Variants in CFH observed in about 807,000 individuals in gnomAD.
CFH encodes the protein complement factor H, also known as H factor 1 (complement).
In CFH, 53 loss-of-function variants were observed where a neutral mutation model predicts 147.3. That is an observed-to-expected ratio of 0.36 (90% CI 0.29 to 0.45). The LOEUF is 0.45. Ranked by LOEUF, CFH falls within the 20% of genes least tolerant of loss-of-function variation. The probability of loss-of-function intolerance (pLI) is 1.00; values close to 1 mark genes in which losing one functional copy is unlikely to be tolerated. For synonymous variants in CFH, 536 were observed against 489.4 expected, an observed-to-expected ratio of 1.10 and a Z score of -1.26; for missense variants, 1,380 against 1,498.0, an observed-to-expected ratio of 0.92 and a Z score of 1.30.
At chr1:196,746,117 C>A in intron 21 of CFH, 118 bp downstream of exon 21, 1 of 1,557,046 alleles carries the variant, frequency 6.4e-7, no homozygotes, top group African/African-American at 1.4e-5. Flanking sequence ...TGCTTGCCTA[C>A]CAAATATTTC....
intron 15 of CFH, among the ~76,000 whole-genome samples, chr1:196,733,186 C>T (rs1043826342): frequency 1.3e-5 from 2 of 151,804 alleles, no homozygotes; most frequent in African/African-American, 2.4e-5. Flanking sequence ...GCTTTGGCTG[C>T]GGGAAGATTA....
intron 3 of CFH, among the ~76,000 whole-genome samples, chr1:196,675,134 C>T (rs1271827228): frequency 6.6e-6 from 1 of 152,040 alleles, no homozygotes; most frequent in Non-Finnish European, 1.5e-5. Flanking sequence ...GGCTTGTGTC[C>T]TCTCTTTAAG....
At chr1:196,713,694 T>G in intron 9 of CFH, 41 bp from the exon 10 acceptor site, 16 of 1,238,518 alleles carry the variant, frequency 1.3e-5, no homozygotes, top group Non-Finnish European at 1.7e-5. Context: ...AAAATGTTAT[T>G]GATCATATGC....
intron 11 of CFH, among the ~76,000 whole-genome samples, chr1:196,723,529 G>A (rs34831442): frequency 6.6e-6 from 1 of 152,232 alleles, no homozygotes; most frequent in Non-Finnish European, 1.5e-5. Flanking sequence ...CAACATTCAG[G>A]ACAGTAGGTG....
intron 9 of CFH, among the ~76,000 whole-genome samples, chr1:196,702,666 G>T (rs1196926327): frequency 6.6e-6 from 1 of 152,052 alleles, no homozygotes; most frequent in East Asian, 1.9e-4. Flanking sequence ...TTTAGAAAAA[G>T]CTAAGGAAAA....
chr1:196,725,114 T>A lies in CFH; in HGVS notation c.1697-7T>A, dbSNP rs1460760004. 4 of 1,609,846 alleles carry A rather than the reference T, an allele frequency of 2.5e-6. No individual in the cohort carries two copies. Among genetic ancestry groups the A allele is most frequent in the Non-Finnish European group, 2.5e-6 (3 of 1,176,902 alleles). ...TATTCTCATGAAATTATTTTACCTT[T>A]TTCAAGAAAGAGAATGCGAACTTCC... On this transcript the variant is annotated splice_region_variant and splice_polypyrimidine_tract_variant and intron_variant, in intron 11 of 21. Transcript: ENST00000367429.
chr1:196,658,102 A>T (rs1666766666), intron 1 of CFH, among the ~76,000 whole-genome samples: 1 of 152,150 alleles, frequency 6.6e-6, no homozygotes, highest in Non-Finnish European at 1.5e-5. Flanking sequence ...TTATTAAAAT[A>T]TTAAGTAATA....
At chr1:196,715,506 T>C (rs1439663361) in intron 10 of CFH, 87 bp from the exon 11 acceptor site, 1 of 1,074,104 alleles carries the variant, frequency 9.3e-7, no homozygotes, top group East Asian at 2.4e-5. Context: ...ATCTAATCAA[T>C]AAAGCTTTTT....
At chr1:196,744,795 G>A (rs558879282) in intron 20 of CFH, among the ~76,000 whole-genome samples, 1 of 152,050 alleles carries the variant, frequency 6.6e-6, no homozygotes, top group East Asian at 1.9e-4. Context: ...TATTTTTTCA[G>A]GATCCTAAAG....
chr1:196,740,812 A>G lies in CFH; in HGVS notation c.2956+20A>G, dbSNP rs1252986331. 6.2e-7 allele frequency: 1 copy of G among 1,608,020 alleles called. No homozygotes were observed. Among genetic ancestry groups the G allele is most frequent in the Admixed American group, 1.7e-5 (1 of 60,008 alleles). ...GCATAAGTATGGTGCATTGAATTTT[A>G]TTATATGTATGATAAATATTCTTCA... On this transcript the variant is annotated intron_variant, in intron 18 of 21. Transcript: ENST00000367429.
At chr1:196,725,576 A>G (rs1669116307) in intron 12 of CFH, among the ~76,000 whole-genome samples, 1 of 152,182 alleles carries the variant, frequency 6.6e-6, no homozygotes, top group African/African-American at 2.4e-5. Flanking sequence ...GGAATAACTG[A>G]GTCTGGATGA....
intron 15 of CFH, among the ~76,000 whole-genome samples, chr1:196,732,373 G>C (rs1354805385): frequency 1.3e-5 from 2 of 151,886 alleles, no homozygotes; most frequent in Non-Finnish European, 1.5e-5. Context: ...TGTTGAAGTA[G>C]TTAATTTGTT....
chr1:196,656,964 T>C (rs1666721685), intron 1 of CFH, among the ~76,000 whole-genome samples: 1 of 152,020 alleles, frequency 6.6e-6, no homozygotes, highest in African/African-American at 2.4e-5. Flanking sequence ...TTTTCACTGT[T>C]AAGTTGTTTG....
intron 14 of CFH, 94 bp downstream of exon 14, chr1:196,727,034 A>G: frequency 9.2e-7 from 1 of 1,085,326 alleles, no homozygotes; most frequent in Admixed American, 1.8e-5. Context: ...ATTTACAGAT[A>G]TGCCTCAACA....
At chr1:196,678,457 T>C (rs2149081310) in intron 5 of CFH, 1 of 152,044 alleles carries the variant, frequency 6.6e-6, no homozygotes, top group African/African-American at 2.4e-5. Flanking sequence ...TAATATTATC[T>C]AAAATATCTA....
intron 19 of CFH, among the ~76,000 whole-genome samples, chr1:196,743,032 A>G (rs908271066): frequency 1.3e-5 from 2 of 152,196 alleles, no homozygotes; most frequent in African/African-American, 2.4e-5. Context: ...GCTAAAATGT[A>G]TAAGCAGGAT....
intron 9 of CFH, among the ~76,000 whole-genome samples, chr1:196,696,447 A>C (rs1280089556): frequency 6.6e-6 from 1 of 152,202 alleles, no homozygotes; most frequent in Non-Finnish European, 1.5e-5. Context: ...AATATCTGGG[A>C]CACAGTTAAA....
In CFH at chr1:196,730,527, C is replaced by T. The variant is rs192310127; in HGVS notation, c.2413+2005C>T. ...AACATATTCTGGGGAATATTCTGTGCGCATTTGAGAAGAATATGTGTTTTT... is the reference window on the plus strand; with the variant it reads ...AACATATTCTGGGGAATATTCTGTGTGCATTTGAGAAGAATATGTGTTTTT... On this transcript the variant is annotated intron_variant, in intron 15 of 21. Transcript: ENST00000367429. Among the ~76,000 whole-genome samples, 9 of 151,744 alleles carry T rather than the reference C, an allele frequency of 5.9e-5. No individual in the cohort carries two copies. The South Asian group carries it at 6.2e-4, about 10-fold the overall frequency.
intron 1 of CFH, among the ~76,000 whole-genome samples, chr1:196,667,885 A>C (rs1050051517): frequency 3.3e-5 from 5 of 152,158 alleles, no homozygotes; most frequent in African/African-American, 1.2e-4. Flanking sequence ...AACATGCTTA[A>C]ATTATTACAA....
Sources: allele counts gnomAD v4.1 joint callset (sites outside exome capture counted in the v4.1 genomes callset), GRCh38; gene constraint gnomAD v4.1.1; transcripts MANE v1.5; gene names NCBI Gene and HGNC (gene_info 2026-07-23, HGNC 2026-07-21).